Variants in CCDC77 observed in about 807,000 individuals in gnomAD.
The protein encoded by CCDC77 is coiled-coil domain containing 77.
CCDC77 carries 56 observed loss-of-function variants against 66.8 expected under a neutral mutation model. The observed-to-expected ratio is 0.84, with a 90% CI of 0.68 to 1.05. The LOEUF is 1.05. Ranked by LOEUF, CCDC77 falls within the 50% of genes least tolerant of loss-of-function variation. CCDC77 has a pLI of 0.00. For missense variants in CCDC77, 570 were observed against 576.8 expected (o/e 0.99, Z 0.12); for synonymous variants, 196 against 195.2 (o/e 1.00, Z -0.03).
Position 411,992 on chromosome 12 carries a change from G to A in CCDC77, c.270+14G>A. The A allele has an allele frequency of 6.3e-7, 1 of 1,586,040 alleles. No homozygotes were observed. Among genetic ancestry groups the A allele is most frequent in the Non-Finnish European group, 8.7e-7 (1 of 1,156,032 alleles). On this transcript the variant is annotated intron_variant, in intron 4 of 12. Coordinates refer to ENST00000239830, the MANE Select transcript of CCDC77 (RefSeq NM_032358.4). Reference sequence around the variant, plus strand: ...TGTGAAGGACAGGTAAAGAAACGATGCTGCTGCTTTAGAACTCTGATGGAG... The same window carrying A: ...TGTGAAGGACAGGTAAAGAAACGATACTGCTGCTTTAGAACTCTGATGGAG...
At chr12:389,366 A>G (rs1430717923) in exon 1 of CCDC77, 12 of 603,038 alleles carry the variant, frequency 2.0e-5, no homozygotes, top group Non-Finnish European at 3.3e-5. Context: ...CCGCAGCTGC[A>G]CGACGCCTGT....
At chr12:402,158 G>A (rs1944908569) in intron 1 of CCDC77, among the ~76,000 whole-genome samples, 1 of 152,218 alleles carries the variant, frequency 6.6e-6, no homozygotes, top group African/African-American at 2.4e-5. Flanking sequence ...ATCTAAGCAA[G>A]GGTATTGGAG....
intron 2 of CCDC77, among the ~76,000 whole-genome samples, 158 bp from the exon 3 acceptor site, chr12:409,210 C>CAA (rs58177258): frequency 2.4e-5 from 2 of 82,926 alleles, no homozygotes; most frequent in Non-Finnish European, 5.4e-5. Flanking sequence ...GACACTGTCT[C>CAA]AAAAAAAAAA....
rs377419296 is a variant in CCDC77 at position 440,746 on chromosome 12, C to T, written c.1167+4C>T. 2.5e-5 allele frequency: 40 copies of T among 1,613,768 alleles called. No individual in the cohort carries two copies. Among genetic ancestry groups the T allele is most frequent in the South Asian group, 3.3e-5 (3 of 91,086 alleles). On this transcript the variant is annotated splice_donor_region_variant and intron_variant, in intron 11 of 12. Coordinates refer to ENST00000239830, the MANE Select transcript of CCDC77 (RefSeq NM_032358.4). ...AATGAGGAGAGAGATCTTCAAGGTA[C>T]GAAATTATCTGCCACTTGTAATGGA...
At position 389,753 on chromosome 12, in the gene CCDC77, C is replaced by A. The variant is rs909022598; in HGVS notation, c.-113+267C>A. On this transcript the variant is annotated intron_variant, in intron 1 of 11. Transcript: ENST00000422000. The stretch of plus-strand genomic sequence containing the variant: ...GCACCGCGCCTCACCGCCCGTGCTT[C>A]GTAATTTGTTTTAACCTACCCTGCT... Among the ~76,000 whole-genome samples, 3 of 152,202 alleles carry A rather than the reference C, an allele frequency of 2.0e-5. No individual in the cohort carries two copies. In the South Asian group the frequency reaches 6.2e-4, roughly 31 times the overall value.
chr12:407,826 T>G (rs772009088), intron 2 of CCDC77, among the ~76,000 whole-genome samples: 2 of 145,066 alleles, frequency 1.4e-5, no homozygotes, highest in Middle Eastern at 3.9e-3. Context: ...CTCGCTCTGT[T>G]GCCCAGGCTG....
chr12:409,574 T>G (rs1454590125), intron 3 of CCDC77, 153 bp downstream of exon 3: 1 of 678,812 alleles, frequency 1.5e-6, no homozygotes, highest in Non-Finnish European at 2.5e-6. Context: ...TGGGGTGCAG[T>G]GGTGCAATCA....
intron 5 of CCDC77, among the ~76,000 whole-genome samples, chr12:423,643 C>T (rs1349175057): frequency 6.6e-6 from 1 of 151,366 alleles, no homozygotes; most frequent in Non-Finnish European, 1.5e-5. Flanking sequence ...ACCATGGGTG[C>T]GCACCACTGT....
At chr12:424,340 T>C (rs1945490028) in intron 5 of CCDC77, among the ~76,000 whole-genome samples, 1 of 151,986 alleles carries the variant, frequency 6.6e-6, no homozygotes, top group Non-Finnish European at 1.5e-5. Flanking sequence ...TATTTTCTCC[T>C]GTTCCATAGA....
chr12:418,583 G>A lies in CCDC77; in HGVS notation c.360G>A (p.Gln120=). The change falls in exon 5 of 13, where the codon CAG becomes CAA. Residue 120 remains glutamine, a synonymous_variant. Coordinates refer to ENST00000239830, the MANE Select transcript of CCDC77 (RefSeq NM_032358.4). Reference sequence around the variant, plus strand: ...GTGATATGCAGGTCTGCCTCTTCCAGGAACGGGAACATGTTTTACGCCTCT... The same window carrying A: ...GTGATATGCAGGTCTGCCTCTTCCAAGAACGGGAACATGTTTTACGCCTCT... The part of the protein sequence containing the change: ...ALSDMQVCLF[Q]EREHVLRLYS... 6.2e-7 allele frequency: 1 copy of A among 1,614,166 alleles called. No homozygotes were observed. Among genetic ancestry groups the A allele is most frequent in the Non-Finnish European group, 8.5e-7 (1 of 1,180,008 alleles).
intron 2 of CCDC77, among the ~76,000 whole-genome samples, chr12:408,409 T>G (rs1945039916): frequency 6.6e-6 from 1 of 152,216 alleles, no homozygotes; most frequent in Non-Finnish European, 1.5e-5. Context: ...ATAAGTAATT[T>G]TTTTTCTTTT....
intron 1 of CCDC77, among the ~76,000 whole-genome samples, chr12:402,148 A>G (rs1944908427): frequency 6.6e-6 from 1 of 152,244 alleles, no homozygotes; most frequent in Admixed American, 6.5e-5. Context: ...ATAAGAATAT[A>G]TCTAAGCAAG....
chr12:441,115 C>A (rs1480817959), intron 12 of CCDC77, 119 bp downstream of exon 12: 1 of 1,033,540 alleles, frequency 9.7e-7, no homozygotes, highest in Non-Finnish European at 1.4e-6. Flanking sequence ...ACTAACAGAT[C>A]ACCATCTTCA....
intron 2 of CCDC77, among the ~76,000 whole-genome samples, chr12:409,031 C>T (rs576785364): frequency 6.6e-6 from 1 of 152,052 alleles, no homozygotes; most frequent in Admixed American, 6.6e-5. Context: ...TGGTGAAACC[C>T]TGTCTCTACT....
At chr12:410,934 G>A (rs1052350025) in intron 3 of CCDC77, among the ~76,000 whole-genome samples, 27 of 151,614 alleles carry the variant, frequency 1.8e-4, no homozygotes, top group African/African-American at 6.1e-4. Flanking sequence ...TATCTTTTTC[G>A]TCTCTAATGG....
At chr12:411,710 A>T in intron 3 of CCDC77, 37 bp from the exon 4 acceptor site, 2 of 1,526,428 alleles carry the variant, frequency 1.3e-6, no homozygotes, top group Non-Finnish European at 1.8e-6. Context: ...AAACTTTCGC[A>T]GAGTGTGATG....
At chr12:424,229 A>G (rs375528324) in intron 5 of CCDC77, among the ~76,000 whole-genome samples, 3 of 152,250 alleles carry the variant, frequency 2.0e-5, no homozygotes, top group East Asian at 1.9e-4. Context: ...TCACCCTCCC[A>G]AAGTGCTGGG....
chr12:416,729 C>T (rs1467688828), intron 4 of CCDC77, among the ~76,000 whole-genome samples: 1 of 151,660 alleles, frequency 6.6e-6, no homozygotes, highest in East Asian at 1.9e-4. Context: ...TTTTACAAAA[C>T]CAAAACTCCA....
At chr12:416,373 G>GTA (rs1335716191) in intron 4 of CCDC77, among the ~76,000 whole-genome samples, 53 of 25,254 alleles carry the variant, frequency 2.1e-3, no homozygotes, top group Non-Finnish European at 3.0e-3. Context: ...GTGTGTGTGT[G>GTA]TGTGTATATA....
Sources: gnomAD v4.1 joint callset for allele counts (sites outside exome capture counted in the v4.1 genomes callset) on GRCh38, gnomAD v4.1.1 for gene constraint, MANE v1.5 for transcripts, NCBI Gene and HGNC (gene_info 2026-07-23, HGNC 2026-07-21) for gene names.